Variants in FARP2 observed in about 807,000 individuals in gnomAD.
FARP2 encodes FERM, ARH/RhoGEF and pleckstrin domain protein 2.
A neutral mutation model predicts 130.5 loss-of-function variants in FARP2; 111 were observed. The observed-to-expected ratio is 0.85, with a 90% CI of 0.73 to 1.00. The LOEUF is 1.00. Among genes scored for constraint, FARP2 ranks in the 50% least tolerant of loss-of-function variants. FARP2 has a pLI of 0.00. For missense variants in FARP2, 1,385 were observed against 1,346.3 expected (o/e 1.03, Z -0.45); for synonymous variants, 504 against 516.9 (o/e 0.98, Z 0.34).
At chr2:241,462,677 A>G (rs2064055767) in intron 15 of FARP2, 65 bp downstream of exon 15, 3 of 1,107,264 alleles carry the variant, frequency 2.7e-6, no homozygotes, top group Non-Finnish European at 4.1e-6. Context: ...ACACAGAGAA[A>G]TATCTCTTTT....
At chr2:241,418,145 C>A in intron 8 of FARP2, 36 bp downstream of exon 8, 1 of 1,610,898 alleles carries the variant, frequency 6.2e-7, no homozygotes, top group African/African-American at 1.3e-5. Context: ...GAGAACAGGG[C>A]AGGGGAGGTT....
intron 21 of FARP2, among the ~76,000 whole-genome samples, chr2:241,486,444 A>T (rs1396940966): frequency 7.3e-6 from 1 of 137,126 alleles, no homozygotes; most frequent in Non-Finnish European, 1.5e-5. Context: ...CCCCAGTGAC[A>T]GAGTGAGACC....
Position 241,491,196 on chromosome 2 carries a change from A to G in FARP2, c.2623+17A>G, listed in dbSNP as rs1052512353. The stretch of plus-strand genomic sequence containing the variant: ...GTCCCCCCAGTGAGTGCTGGCCACA[A>G]CCCCCCAGGAGACCTCCACTACACC... On this transcript the variant is annotated intron_variant, in intron 23 of 26. Coordinates refer to ENST00000264042, the MANE Select transcript of FARP2 (RefSeq NM_014808.4). 3 of 1,571,998 alleles carry G rather than the reference A, an allele frequency of 1.9e-6. No individual in the cohort carries two copies. The highest frequency in any genetic ancestry group is 2.7e-5 in the African/African-American group (2 of 73,912).
At chr2:241,414,774 G>A (rs868230320) in intron 7 of FARP2, among the ~76,000 whole-genome samples, 1 of 152,334 alleles carries the variant, frequency 6.6e-6, no homozygotes. Flanking sequence ...TAGCTCATAC[G>A]CTGTGAGCTG....
chr2:241,423,990 C>T (rs2062871337), intron 8 of FARP2, among the ~76,000 whole-genome samples: 1 of 152,168 alleles, frequency 6.6e-6, no homozygotes, highest in Admixed American at 6.5e-5. Context: ...ACGACTTAGA[C>T]TCCCACACAA....
At position 241,491,081 on chromosome 2, in the gene FARP2, A is replaced by G; in HGVS notation, c.2525A>G (p.Lys842Arg). Residue 842 changes from lysine to arginine, a missense_variant, in exon 23 of 27, where the codon AAG (lysine) becomes AGG (arginine). Coordinates refer to ENST00000264042, the MANE Select transcript of FARP2 (RefSeq NM_014808.4). Reference protein sequence around the residue: ...VAASTRLEKEKWMLDLNSAIQ... With the variant: ...VAASTRLEKERWMLDLNSAIQ... ...TGCAGCACTCGGCTGGAGAAAGAGAAGTGGATGCTGGACCTGAACTCCGCG... is the reference window on the plus strand; with the variant it reads ...TGCAGCACTCGGCTGGAGAAAGAGAGGTGGATGCTGGACCTGAACTCCGCG... The G allele has an allele frequency of 6.2e-7, 1 of 1,613,524 alleles. No individual in the cohort carries two copies. Among genetic ancestry groups the G allele is most frequent in the Non-Finnish European group, 8.5e-7 (1 of 1,179,890 alleles).
intron 17 of FARP2, chr2:241,466,787 C>G (rs886306349): frequency 1.2e-5 from 2 of 169,568 alleles, no homozygotes; most frequent in Middle Eastern, 3.1e-3. Flanking sequence ...CTCCCTGTAC[C>G]CTGAACTGTG....
chr2:241,491,059 AGCACTCG>A lies in FARP2; in HGVS notation c.2506_2512del (p.Thr836TrpfsTer10), dbSNP rs1317872383. ...CACTGAGCCTTGCCCTTCTCCCTGCAGCACTCGGCTGGAGAAAGAGAAGTGGATGCTG... is the reference window on the plus strand; with the variant it reads ...CACTGAGCCTTGCCCTTCTCCCTGCAGCTGGAGAAAGAGAAGTGGATGCTG... On this transcript the variant is annotated splice_acceptor_variant and coding_sequence_variant, in exon 23 of 27. Transcript: ENST00000264042. LOFTEE classifies it high-confidence loss of function. 1 of 1,610,850 alleles carries A rather than the reference AGCACTCG, an allele frequency of 6.2e-7. No homozygotes were observed. Among genetic ancestry groups the A allele is most frequent in the Non-Finnish European group, 8.5e-7 (1 of 1,177,596 alleles).
At chr2:241,404,928 C>G in intron 4 of FARP2, 87 bp downstream of exon 4, 1 of 967,540 alleles carries the variant, frequency 1.0e-6, no homozygotes, top group Non-Finnish European at 1.7e-6. Flanking sequence ...ACTGTTCATT[C>G]TCACCACCGT....
intron 26 of FARP2, 153 bp downstream of exon 26, chr2:241,493,597 G>GTTTT (rs11320829): frequency 6.4e-5 from 36 of 559,850 alleles, no homozygotes; most frequent in East Asian, 9.2e-5. Context: ...GCAATGCTTT[G>GTTTT]TTTTTTTTTT....
intron 7 of FARP2, among the ~76,000 whole-genome samples, chr2:241,416,728 G>A (rs1204090235): frequency 3.9e-5 from 6 of 151,982 alleles, no homozygotes; most frequent in Non-Finnish European, 2.9e-5. Context: ...GACACCCTGG[G>A]CAACATGACA....
chr2:241,465,669 C>T, intron 17 of FARP2: 1 of 1,550,964 alleles, frequency 6.4e-7, no homozygotes, highest in South Asian at 1.2e-5. Flanking sequence ...CTCCCTCCCT[C>T]TCAGGCTGCT....
At chr2:241,429,572 T>C (rs1372362023) in intron 8 of FARP2, among the ~76,000 whole-genome samples, 1 of 152,158 alleles carries the variant, frequency 6.6e-6, no homozygotes, top group Non-Finnish European at 1.5e-5. Flanking sequence ...TTGGTCAAGA[T>C]GATGTTTGCC....
intron 2 of FARP2, among the ~76,000 whole-genome samples, chr2:241,397,678 C>T (rs2062063026): frequency 6.6e-6 from 1 of 151,820 alleles, no homozygotes; most frequent in Non-Finnish European, 1.5e-5. Flanking sequence ...CAGAACTGTC[C>T]AGCGGTAGAA....
intron 8 of FARP2, among the ~76,000 whole-genome samples, chr2:241,420,849 A>G (rs1381136920): frequency 6.6e-6 from 1 of 152,194 alleles, no homozygotes; most frequent in Non-Finnish European, 1.5e-5. Flanking sequence ...CCTCAGTTCT[A>G]AGCACAGATA....
intron 4 of FARP2, 147 bp downstream of exon 4, chr2:241,404,988 T>C: frequency 1.8e-6 from 1 of 560,506 alleles, no homozygotes; most frequent in East Asian, 2.8e-5. Context: ...TTGGAAGTCA[T>C]TTTGCTGTTT....
chr2:241,404,839 GAAGT>G lies in FARP2; in HGVS notation c.331+3_331+6del. ...ATGAAACCCATCATTAGGCAAATACGAAGTAAGTCCTTGGTTTGACTCTTTAAAA... is the reference window on the plus strand; with the variant it reads ...ATGAAACCCATCATTAGGCAAATACGAAGTCCTTGGTTTGACTCTTTAAAA... On this transcript the variant is annotated splice_donor_variant and coding_sequence_variant, in exon 4 of 27. Transcript: ENST00000264042. LOFTEE classifies it high-confidence loss of function. 6.2e-7 allele frequency: 1 copy of G among 1,607,554 alleles called. No homozygotes were observed. Among genetic ancestry groups the G allele is most frequent in the Non-Finnish European group, 8.5e-7 (1 of 1,174,354 alleles).
At chr2:241,402,305 A>G (rs528359556) in intron 2 of FARP2, among the ~76,000 whole-genome samples, 15 of 152,324 alleles carry the variant, frequency 9.8e-5, no homozygotes, top group African/African-American at 2.4e-4. Context: ...AGACACACCA[A>G]TATTGGCATC....
intron 11 of FARP2, among the ~76,000 whole-genome samples, chr2:241,436,272 T>A (rs1316319716): frequency 6.6e-6 from 1 of 152,172 alleles, no homozygotes; most frequent in South Asian, 2.1e-4. Context: ...TTTCCTTTAG[T>A]GTGGGTGTGT....
Sources: allele counts gnomAD v4.1 joint callset (sites outside exome capture counted in the v4.1 genomes callset), GRCh38; gene constraint gnomAD v4.1.1; transcripts MANE v1.5; gene names NCBI Gene and HGNC (gene_info 2026-07-23, HGNC 2026-07-21).